DNAJC1: variants seen among roughly 807,000 people sequenced by gnomAD.
The protein encoded by DNAJC1 is DnaJ heat shock protein family (Hsp40) member C1.
Under a neutral mutation model 76.6 loss-of-function variants are expected in DNAJC1, and 58 were observed. That is an observed-to-expected ratio of 0.76 (90% CI 0.61 to 0.94). The LOEUF (loss-of-function observed/expected upper bound fraction) is 0.94, where lower values mean the gene tolerates loss of function less well. DNAJC1 is among the 40% of genes least tolerant of loss of function. DNAJC1 has a pLI of 0.00. For synonymous variants in DNAJC1, 258 were observed against 267.9 expected (o/e 0.96, Z 0.36); for missense variants, 689 against 677.3 (o/e 1.02, Z -0.19).
chr10:21,868,668 T>C (rs1254530480), intron 8 of DNAJC1, among the ~76,000 whole-genome samples: 1 of 152,134 alleles, frequency 6.6e-6, no homozygotes, highest in East Asian at 1.9e-4. Context: ...AGAGAATTGG[T>C]TGTCAGAGGT....
At chr10:21,907,973 G>A (rs1836774179) in intron 6 of DNAJC1, among the ~76,000 whole-genome samples, 1 of 135,622 alleles carries the variant, frequency 7.4e-6, no homozygotes, top group Admixed American at 8.6e-5. Context: ...GTGAGACTCT[G>A]TCTGAAATAT....
At chr10:21,883,251 AACACAC>A (rs3032395) in intron 7 of DNAJC1, among the ~76,000 whole-genome samples, 1,606 of 129,008 alleles carry the variant, frequency 0.012, 29 homozygotes, top group African/African-American at 0.041. Flanking sequence ...TTCTATCTCA[AACACAC>A]ACACACACAC....
intron 8 of DNAJC1, among the ~76,000 whole-genome samples, chr10:21,819,764 TA>T (rs1432824531): frequency 1.3e-5 from 2 of 152,006 alleles, no homozygotes; most frequent in Admixed American, 1.3e-4. Context: ...ACACCATCTC[TA>T]CCAAAAATAC....
chr10:21,948,091 CTT>C (rs781055896), intron 1 of DNAJC1, among the ~76,000 whole-genome samples: 6 of 134,800 alleles, frequency 4.5e-5, no homozygotes, highest in Admixed American at 7.5e-5. Context: ...TCCTTGCAGT[CTT>C]TTTTTTTTTT....
rs547328825 is a variant in DNAJC1 at position 21,896,596 on chromosome 10, C to T, written c.820+7926G>A. ...AATGAATTGTACACCTTGAGTCTCACCCATATCTGATTTAGATTATATTTA... is the reference window on the plus strand; with the variant it reads ...AATGAATTGTACACCTTGAGTCTCATCCATATCTGATTTAGATTATATTTA... On this transcript the variant is annotated intron_variant, in intron 7 of 11. Coordinates refer to ENST00000376980, the MANE Select transcript of DNAJC1 (RefSeq NM_022365.4). Among the ~76,000 whole-genome samples, 17 of 152,226 alleles carry T rather than the reference C, an allele frequency of 1.1e-4. 1 individual carries two copies. The highest frequency in any genetic ancestry group is 9.8e-4 in the Admixed American group (15 of 15,286).
At chr10:21,786,317 T>C (rs190565813) in intron 9 of DNAJC1, among the ~76,000 whole-genome samples, 77 of 151,878 alleles carry the variant, frequency 5.1e-4, no homozygotes, top group African/African-American at 1.5e-3. Context: ...ATTTACTATG[T>C]AAATTCAGGT....
intron 7 of DNAJC1, among the ~76,000 whole-genome samples, chr10:21,885,341 G>A (rs546426361): frequency 2.0e-5 from 3 of 152,098 alleles, no homozygotes; most frequent in South Asian, 2.1e-4. Context: ...TTCATAAAGC[G>A]AGTTCTTAGA....
At chr10:21,889,297 T>C (rs1404177690) in intron 7 of DNAJC1, among the ~76,000 whole-genome samples, 1 of 152,078 alleles carries the variant, frequency 6.6e-6, no homozygotes, top group Non-Finnish European at 1.5e-5. Context: ...GGGGATTTGC[T>C]AAACCATTCA....
rs1834215334 is a variant in DNAJC1 at position 21,759,440 on chromosome 10, A to AGT, written c.1325_1326insAC (p.Arg443LeufsTer32). The AGT allele has an allele frequency of 6.2e-7, 1 of 1,613,960 alleles. No homozygotes were observed. Among genetic ancestry groups the AGT allele is most frequent in the Non-Finnish European group, 8.5e-7 (1 of 1,180,028 alleles). ...GCAGCCTGGCTGGCTTCCGCCTCCGAGGCCGGGCATCAGTGGCCCCGGTCT... is the reference window on the plus strand; with the variant it reads ...GCAGCCTGGCTGGCTTCCGCCTCCGAGTGGCCGGGCATCAGTGGCCCCGGTCT... On this transcript the variant is annotated frameshift_variant, in exon 11 of 12. Coordinates refer to ENST00000376980, the MANE Select transcript of DNAJC1 (RefSeq NM_022365.4). LOFTEE classifies it high-confidence loss of function.
intron 1 of DNAJC1, among the ~76,000 whole-genome samples, chr10:21,991,228 G>A (rs141419950): frequency 1.3e-4 from 20 of 152,200 alleles, no homozygotes; most frequent in African/African-American, 4.8e-4. Context: ...CTACAAAATA[G>A]GAACTCCAGT....
intron 7 of DNAJC1, among the ~76,000 whole-genome samples, chr10:21,884,586 T>C (rs748933606): frequency 1.3e-5 from 2 of 152,160 alleles, no homozygotes; most frequent in Non-Finnish European, 2.9e-5. Flanking sequence ...TATGTGGGTA[T>C]GTATGTATTT....
At chr10:21,911,849 G>A (rs1299057969) in intron 6 of DNAJC1, among the ~76,000 whole-genome samples, 4 of 152,022 alleles carry the variant, frequency 2.6e-5, no homozygotes, top group African/African-American at 9.7e-5. Context: ...AAATTACATG[G>A]GATATTCAGC....
chr10:21,864,523 G>T (rs1037458966), intron 8 of DNAJC1, among the ~76,000 whole-genome samples: 12 of 152,078 alleles, frequency 7.9e-5, no homozygotes, highest in African/African-American at 2.9e-4. Context: ...TCGGCAGGCT[G>T]AGGCAGGAGA....
At chr10:22,002,437 T>A (rs1296284815) in intron 1 of DNAJC1, among the ~76,000 whole-genome samples, 1 of 152,160 alleles carries the variant, frequency 6.6e-6, no homozygotes, top group Non-Finnish European at 1.5e-5. Context: ...AGTTAATGTC[T>A]TAAGCTATAG....
intron 8 of DNAJC1, among the ~76,000 whole-genome samples, chr10:21,812,792 TAC>T (rs1834989655): frequency 1.3e-5 from 2 of 152,170 alleles, no homozygotes; most frequent in Non-Finnish European, 1.5e-5. Context: ...TAGAAAATAG[TAC>T]AGAGTTCCCA....
At chr10:21,986,784 T>C (rs1838255918) in intron 1 of DNAJC1, among the ~76,000 whole-genome samples, 1 of 152,154 alleles carries the variant, frequency 6.6e-6, no homozygotes, top group Non-Finnish European at 1.5e-5. Context: ...TTTTTTTTCT[T>C]GAGACAGAAT....
intron 2 of DNAJC1, 138 bp downstream of exon 2, chr10:21,928,902 G>A: frequency 3.6e-6 from 2 of 549,492 alleles, no homozygotes; most frequent in Non-Finnish European, 5.9e-6. Context: ...GTAGAAACTT[G>A]AAAAAAAATA....
chr10:21,943,309 T>C (rs1464337728), intron 1 of DNAJC1, among the ~76,000 whole-genome samples: 4 of 152,204 alleles, frequency 2.6e-5, no homozygotes, highest in Admixed American at 2.6e-4. Flanking sequence ...AAAAGCTAGT[T>C]CTTTTGAAAG....
chr10:21,854,679 A>G (rs1033525492), intron 8 of DNAJC1, among the ~76,000 whole-genome samples: 1 of 152,198 alleles, frequency 6.6e-6, no homozygotes, highest in South Asian at 2.1e-4. Flanking sequence ...TCAAAGCAAC[A>G]TAGATGTGAT....
Sources: allele counts gnomAD v4.1 joint callset (sites outside exome capture counted in the v4.1 genomes callset), GRCh38; gene constraint gnomAD v4.1.1; transcripts MANE v1.5; gene names NCBI Gene and HGNC (gene_info 2026-07-23, HGNC 2026-07-21).